The following ZKSCAN1 variants were observed in gnomAD, a reference collection of about 807,000 sequenced individuals.
ZKSCAN1 encodes zinc finger protein with KRAB and SCAN domains 1.
ZKSCAN1 carries 14 observed loss-of-function variants against 51.6 expected under a neutral mutation model. The observed-to-expected ratio is 0.27, with a 90% confidence interval of 0.18 to 0.42. The LOEUF (loss-of-function observed/expected upper bound fraction) is 0.42. Among genes scored for constraint, ZKSCAN1 ranks in the 10% least tolerant of loss-of-function variants. The pLI is 1.00. For missense variants in ZKSCAN1, 531 were observed against 710.0 expected (o/e 0.75, Z 2.86); for synonymous variants, 263 against 261.5 (o/e 1.01, Z -0.06).
Position 100,040,153 on chromosome 7 carries a change from G to C in ZKSCAN1, c.*5956G>C. 1.0e-6 allele frequency: 1 copy of C among 985,284 alleles called. No individual in the cohort carries two copies. The highest frequency in any genetic ancestry group is 5.2e-4 in the Middle Eastern group (1 of 1,914). 61.0% of individuals were successfully genotyped at this position (985,284 alleles called of 1,614,324 possible). A position where few individuals can be genotyped will look rare whatever the true frequency, so the allele number is the denominator to read the frequency against. ...CTCCAACTCTGCAGGTCAAACGAAA[G>C]TTTGGGAAATACTTTTGACATCCCA... On this transcript the variant is annotated 3_prime_UTR_variant, in exon 6 of 6. Coordinates refer to ENST00000324306, the MANE Select transcript of ZKSCAN1 (RefSeq NM_003439.4).
chr7:100,043,829 C>T (rs556244535), downstream of ZKSCAN1, among the ~76,000 whole-genome samples: 33 of 116,054 alleles, frequency 2.8e-4, no homozygotes, highest in Admixed American at 1.8e-3. Context: ...GTTGCCCAAG[C>T]TGGAGGGCAT....
rs867873682 is a variant in ZKSCAN1 at position 100,036,230 on chromosome 7, G to A, written c.*2033G>A. 2.8e-5 allele frequency: 28 copies of A among 985,218 alleles called. No homozygotes were observed. Among genetic ancestry groups the A allele is most frequent in the Non-Finnish European group, 3.3e-5 (27 of 829,920 alleles). 61.0% of individuals were successfully genotyped at this position (985,218 alleles called of 1,614,324 possible). ...TTTCATCAGCATTACTTGGGAAAAC[G>A]TGTTGCAAGTCAACCAGTCACTAGG... On this transcript the variant is annotated 3_prime_UTR_variant, in exon 6 of 6. Coordinates refer to ENST00000324306, the MANE Select transcript of ZKSCAN1 (RefSeq NM_003439.4).
Position 100,039,405 on chromosome 7 carries a change from C to T in ZKSCAN1, c.*5208C>T. 13 of 985,322 alleles carry T rather than the reference C, an allele frequency of 1.3e-5. No homozygotes were observed. The highest frequency in any genetic ancestry group is 1.6e-5 in the Non-Finnish European group (13 of 829,922). 61.0% of individuals were successfully genotyped at this position (985,322 alleles called of 1,614,324 possible). A position where few individuals can be genotyped will look rare whatever the true frequency, so the allele number is the denominator to read the frequency against. On this transcript the variant is annotated 3_prime_UTR_variant, in exon 6 of 6. Transcript: ENST00000324306. ...GGAATTGTGTGCAGATGCATCCAGT[C>T]GTGGCATTGCAAGAAGTCTGTCTGA...
downstream of ZKSCAN1, among the ~76,000 whole-genome samples, chr7:100,043,634 C>T (rs955439266): frequency 6.6e-6 from 1 of 151,874 alleles, no homozygotes; most frequent in African/African-American, 2.4e-5. Flanking sequence ...CTCAGCTTCC[C>T]GAAGTGCTGG....
chr7:100,037,069 A>C lies in ZKSCAN1; in HGVS notation c.*2872A>C. The C allele has an allele frequency of 2.0e-6, 2 of 985,444 alleles. No individual in the cohort carries two copies. Among genetic ancestry groups the C allele is most frequent in the Non-Finnish European group, 2.4e-6 (2 of 829,934 alleles). 61.0% of individuals were successfully genotyped at this position (985,444 alleles called of 1,614,324 possible). A position where few individuals can be genotyped will look rare whatever the true frequency, so the allele number is the denominator to read the frequency against. ...TGTTTTCTGAGGAAAACAGGCTACA[A>C]CTGTTTATTAAAACCACTTGCAGTG... On this transcript the variant is annotated 3_prime_UTR_variant, in exon 6 of 6. Coordinates refer to ENST00000324306, the MANE Select transcript of ZKSCAN1 (RefSeq NM_003439.4).
rs143866406 is a variant in ZKSCAN1, at chr7:100,040,130, C to T, written c.*5933C>T. 1,611 of 979,318 alleles carry T rather than the reference C, an allele frequency of 1.6e-3. 2 individuals are homozygous for T. The highest frequency in any genetic ancestry group is 8.4e-3 in the Middle Eastern group (16 of 1,906). The allele number at this position is 979,318 out of a possible 1,614,324, so 60.7% of individuals were successfully genotyped here. ...GAAGTTATAGGGAGGTAAGCCATCT[C>T]CAACTCTGCAGGTCAAACGAAAGTT... On this transcript the variant is annotated 3_prime_UTR_variant, in exon 6 of 6. Transcript: ENST00000324306.
chr7:100,045,196 C>A (rs1362631962), downstream of ZKSCAN1, among the ~76,000 whole-genome samples: 1 of 150,262 alleles, frequency 6.7e-6, no homozygotes, highest in East Asian at 2.0e-4. Flanking sequence ...TGCTTGAGCA[C>A]AGGAATTCTC....
At chr7:100,044,822 T>G (rs1458609623), downstream of ZKSCAN1, 1 of 985,288 alleles carries the variant, frequency 1.0e-6, no homozygotes, top group Non-Finnish European at 1.2e-6. Context: ...TGCACATGTC[T>G]TCTGCTTCCT....
rs946323007 is a variant in ZKSCAN1 at position 100,039,293 on chromosome 7, C to T, written c.*5096C>T. ...CACCACTGCACTCCAGCCTGGGTAA[C>T]AGAGACTCTGTCTCAAAAAAAGAAA... On this transcript the variant is annotated 3_prime_UTR_variant, in exon 6 of 6. Transcript: ENST00000324306. 1 of 977,184 alleles carries T rather than the reference C, an allele frequency of 1.0e-6. No individual in the cohort carries two copies. Among genetic ancestry groups the T allele is most frequent in the Non-Finnish European group, 1.2e-6 (1 of 826,752 alleles). 60.5% of individuals were successfully genotyped at this position (977,184 alleles called of 1,614,324 possible). A position where few individuals can be genotyped will look rare whatever the true frequency, so the allele number is the denominator to read the frequency against.
rs2115850084 is a variant in ZKSCAN1 at position 100,023,421 on chromosome 7, A to G, written c.-86A>G. 7.0e-7 allele frequency: 1 copy of G among 1,430,484 alleles called. No individual in the cohort carries two copies. The highest frequency in any genetic ancestry group is 9.4e-7 in the Non-Finnish European group (1 of 1,059,336). 88.6% of individuals were successfully genotyped at this position (1,430,484 alleles called of 1,614,324 possible). A position where few individuals can be genotyped will look rare whatever the true frequency, so the allele number is the denominator to read the frequency against. On this transcript the variant is annotated splice_region_variant and 5_prime_UTR_variant, in exon 2 of 6. Transcript: ENST00000324306. ...ATGACTTTTTTTTTATACTTCAGGAATAGTAAAGAAACACATCATAAAACC... is the reference window on the plus strand; with the variant it reads ...ATGACTTTTTTTTTATACTTCAGGAGTAGTAAAGAAACACATCATAAAACC...
intron 5 of ZKSCAN1, 69 bp downstream of exon 5, chr7:100,030,444 C>A: frequency 6.5e-7 from 1 of 1,544,998 alleles, no homozygotes. Context: ...TGTGGGATCT[C>A]TGATGTGTTC....
chr7:100,038,756 G>C lies in ZKSCAN1; in HGVS notation c.*4559G>C. 1 of 983,948 alleles carries C rather than the reference G, an allele frequency of 1.0e-6. No individual in the cohort carries two copies. Among genetic ancestry groups the C allele is most frequent in the Non-Finnish European group, 1.2e-6 (1 of 828,566 alleles). 61.0% of individuals were successfully genotyped at this position (983,948 alleles called of 1,614,324 possible). A position where few individuals can be genotyped will look rare whatever the true frequency, so the allele number is the denominator to read the frequency against. Reference sequence around the variant, plus strand: ...CAGGCCTGTAATCCCAGCACTTTGGGAGACCAAGGCGGGTGGATCACAAGG... The same window carrying C: ...CAGGCCTGTAATCCCAGCACTTTGGCAGACCAAGGCGGGTGGATCACAAGG... On this transcript the variant is annotated 3_prime_UTR_variant, in exon 6 of 6. Coordinates refer to ENST00000324306, the MANE Select transcript of ZKSCAN1 (RefSeq NM_003439.4).
chr7:100,025,784 CAG>C (rs1037777432), intron 3 of ZKSCAN1, among the ~76,000 whole-genome samples: 2 of 152,126 alleles, frequency 1.3e-5, no homozygotes, highest in South Asian at 2.1e-4. Context: ...AAAGTAAAAA[CAG>C]AGTATAAAAG....
rs952149327 is a variant in ZKSCAN1 at position 100,040,816 on chromosome 7, C to G, written c.*6619C>G. ...AAGAGCATCCGGTTGCTTTTTAAAGCTTTTAGCCTGCCCTAGCAAGGACAA... is the reference window on the plus strand; with the variant it reads ...AAGAGCATCCGGTTGCTTTTTAAAGGTTTTAGCCTGCCCTAGCAAGGACAA... On this transcript the variant is annotated 3_prime_UTR_variant, in exon 6 of 6. Transcript: ENST00000324306. 8 of 985,268 alleles carry G rather than the reference C, an allele frequency of 8.1e-6. No homozygotes were observed. In the African/African-American group the frequency reaches 1.4e-4, roughly 17 times the overall value. 61.0% of individuals were successfully genotyped at this position (985,268 alleles called of 1,614,324 possible).
intron 3 of ZKSCAN1, 55 bp from the exon 4 acceptor site, chr7:100,029,806 T>C: frequency 6.4e-7 from 1 of 1,554,716 alleles, no homozygotes; most frequent in Non-Finnish European, 8.8e-7. Context: ...AGCCCTTCTT[T>C]GAGCAAGGCT....
In ZKSCAN1 at chr7:100,038,363, C is replaced by T. The variant is rs373729623; in HGVS notation, c.*4166C>T. On this transcript the variant is annotated 3_prime_UTR_variant, in exon 6 of 6. Transcript: ENST00000324306. ...AAAGTCGGTTCACAGAACGGAGCAGCGGGGAGAGGAAGGGAAAAGCTTCAT... is the reference window on the plus strand; with the variant it reads ...AAAGTCGGTTCACAGAACGGAGCAGTGGGGAGAGGAAGGGAAAAGCTTCAT... 3.1e-4 allele frequency: 303 copies of T among 985,336 alleles called. No individual in the cohort carries two copies. Among genetic ancestry groups the T allele is most frequent in the East Asian group, 1.1e-3 (10 of 8,806 alleles). The allele number at this position is 985,336 out of a possible 1,614,324, so 61.0% of individuals were successfully genotyped here.
chr7:100,023,260 C>T, intron 1 of ZKSCAN1, 159 bp from the exon 2 acceptor site: 1 of 348,350 alleles, frequency 2.9e-6, no homozygotes, highest in African/African-American at 2.1e-5. Context: ...ATTGGCCTGC[C>T]TCGGCCTCCC....
At position 100,038,610 on chromosome 7, in the gene ZKSCAN1, T is replaced by G; in HGVS notation, c.*4413T>G. On this transcript the variant is annotated 3_prime_UTR_variant, in exon 6 of 6. Transcript: ENST00000324306. ...CATGAAGCGAGAGTAGGAAGTGTAC[T>G]GGAATGGCCAAGTGGGACTGCTTCA... The G allele has an allele frequency of 1.0e-6, 1 of 985,492 alleles. No homozygotes were observed. Among genetic ancestry groups the G allele is most frequent in the Non-Finnish European group, 1.2e-6 (1 of 829,960 alleles). The allele number at this position is 985,492 out of a possible 1,614,324, so 61.0% of individuals were successfully genotyped here. A position where few individuals can be genotyped will look rare whatever the true frequency, so the allele number is the denominator to read the frequency against.
Position 100,041,119 on chromosome 7 carries a change from C to A in ZKSCAN1, c.*6922C>A. 1 of 831,748 alleles carries A rather than the reference C, an allele frequency of 1.2e-6. No individual in the cohort carries two copies. Among genetic ancestry groups the A allele is most frequent in the Non-Finnish European group, 1.4e-6 (1 of 689,910 alleles). 51.5% of individuals were successfully genotyped at this position (831,748 alleles called of 1,614,324 possible). On this transcript the variant is annotated 3_prime_UTR_variant, in exon 6 of 6. Coordinates refer to ENST00000324306, the MANE Select transcript of ZKSCAN1 (RefSeq NM_003439.4). The stretch of plus-strand genomic sequence containing the variant: ...TATAGAGGGCTAACTCAGGCATTGT[C>A]TTGTTTATTTGTAGACTGGATTAAA...
Sources: allele counts gnomAD v4.1 joint callset (sites outside exome capture counted in the v4.1 genomes callset), GRCh38; gene constraint gnomAD v4.1.1; transcripts MANE v1.5; gene names NCBI Gene and HGNC (gene_info 2026-07-23, HGNC 2026-07-21).